Variants in SLTM observed in about 807,000 individuals in gnomAD.
SLTM encodes SAFB-like transcription modulator.
In SLTM, 43 loss-of-function variants were observed where a neutral mutation model predicts 134.6. The observed-to-expected ratio is 0.32, with a 90% CI of 0.25 to 0.41. The LOEUF (loss-of-function observed/expected upper bound fraction) is 0.41, where lower values mean the gene tolerates loss of function less well. Among genes scored for constraint, SLTM ranks in the 10% least tolerant of loss-of-function variants. The probability of loss-of-function intolerance (pLI) is 1.00; values close to 1 mark genes in which losing one functional copy is unlikely to be tolerated. For missense variants in SLTM, 1,055 were observed against 1,288.8 expected (o/e 0.82, Z 2.78); for synonymous variants, 424 against 432.3 (o/e 0.98, Z 0.24).
At chr15:58,911,263 G>A (rs189115394) in intron 5 of SLTM, among the ~76,000 whole-genome samples, 1 of 152,278 alleles carries the variant, frequency 6.6e-6, no homozygotes, top group African/African-American at 2.4e-5. Context: ...AAAGGCAAGA[G>A]TGTTGCAGAA....
At chr15:58,923,991 T>A (rs1438531771) in intron 2 of SLTM, among the ~76,000 whole-genome samples, 1 of 151,968 alleles carries the variant, frequency 6.6e-6, no homozygotes, top group Non-Finnish European at 1.5e-5. Flanking sequence ...ATTTTTGTAT[T>A]TTTAATAGAG....
chr15:58,909,381 G>A lies in SLTM; in HGVS notation c.561+3182C>T, dbSNP rs561989388. Among the ~76,000 whole-genome samples the A allele has an allele frequency of 3.9e-5, 6 of 152,326 alleles. No homozygotes were observed. In the East Asian group the frequency reaches 1.2e-3, roughly 29 times the overall value. The stretch of plus-strand genomic sequence containing the variant: ...TAAGAACTAACTGGCCACTGTCAGA[G>A]ATGCCAGTGAAGCAGCTCAATATTC... On this transcript the variant is annotated intron_variant, in intron 5 of 20. Coordinates refer to ENST00000380516, the MANE Select transcript of SLTM (RefSeq NM_024755.4).
chr15:58,889,081 T>C (rs546253320), intron 16 of SLTM: 79 of 223,040 alleles, frequency 3.5e-4, no homozygotes, highest in African/African-American at 1.6e-3. Context: ...AAACACACAA[T>C]AGAATCTATC....
chr15:58,912,765 T>C (rs1294805973), intron 4 of SLTM, 155 bp from the exon 5 acceptor site: 4 of 582,698 alleles, frequency 6.9e-6, no homozygotes, highest in Non-Finnish European at 1.2e-5. Context: ...TCAGACTATA[T>C]TTTTTATGCC....
intron 19 of SLTM, among the ~76,000 whole-genome samples, chr15:58,885,269 A>G (rs2034087302): frequency 6.6e-6 from 1 of 152,228 alleles, no homozygotes; most frequent in Non-Finnish European, 1.5e-5. Flanking sequence ...TGTGATACTT[A>G]GCTTACAGGA....
At chr15:58,891,376 C>T (rs2034631822) in intron 14 of SLTM, among the ~76,000 whole-genome samples, 1 of 152,128 alleles carries the variant, frequency 6.6e-6, no homozygotes, top group Admixed American at 6.5e-5. Context: ...AACCAAACAC[C>T]TTAAGCAAAA....
chr15:58,885,575 G>C (rs372493940), intron 19 of SLTM, among the ~76,000 whole-genome samples: 1 of 152,038 alleles, frequency 6.6e-6, no homozygotes. Context: ...TGGATGGTCG[G>C]AAGTTTGAAA....
At chr15:58,884,825 G>A (rs1437834565) in intron 19 of SLTM, among the ~76,000 whole-genome samples, 1 of 151,822 alleles carries the variant, frequency 6.6e-6, no homozygotes, top group Admixed American at 6.6e-5. Context: ...ATGGAGATGG[G>A]GGTCTCACTA....
At position 58,899,488 on chromosome 15, in the gene SLTM, C is replaced by A. The variant is rs755264416; in HGVS notation, c.1039G>T (p.Ala347Ser). Residue 347 changes from alanine to serine, a missense_variant, in exon 7 of 21, where the codon GCC (alanine) becomes TCC (serine). Transcript: ENST00000380516. The surrounding 1 kb of genome is among the most constrained non-coding windows in gnomAD (Gnocchi z 5.0). The part of the protein sequence containing the change: ...TLKKGPSSTG[A>S]SGQAKSSSKE... ...ACAAACCTCTTTGCTTGACCAGAGG[C>A]CCCAGTAGACGAGGGCCCTTTCTTC... 2 of 1,613,962 alleles carry A rather than the reference C, an allele frequency of 1.2e-6. No individual in the cohort carries two copies. Among genetic ancestry groups the A allele is most frequent in the Non-Finnish European group, 1.7e-6 (2 of 1,179,900 alleles).
chr15:58,896,108 TATTA>T (rs1207064209), intron 9 of SLTM, among the ~76,000 whole-genome samples: 6 of 152,312 alleles, frequency 3.9e-5, no homozygotes, highest in African/African-American at 1.4e-4. Context: ...AAGCATTTGT[TATTA>T]ATTGAGTATT....
chr15:58,914,245 C>T (rs2036478803), intron 3 of SLTM, among the ~76,000 whole-genome samples: 1 of 152,184 alleles, frequency 6.6e-6, no homozygotes, highest in Admixed American at 6.5e-5. Flanking sequence ...GTTTGTCCTT[C>T]AAAGTTTATG....
chr15:58,883,480 G>A, intron 20 of SLTM, 146 bp downstream of exon 20: 1 of 998,206 alleles, frequency 1.0e-6, no homozygotes. Context: ...CACTCTTTTG[G>A]AGACTACGGG....
In SLTM at chr15:58,899,999, T is replaced by C; in HGVS notation, c.590-62A>G. The C allele has an allele frequency of 7.8e-7, 1 of 1,286,770 alleles. No homozygotes were observed. 79.7% of individuals were successfully genotyped at this position (1,286,770 alleles called of 1,614,324 possible). Reference sequence around the variant, plus strand: ...AGAAGTTTAAACAATTTCATATTCATAAGCTAGAATAGGACCTAGAAAATA... The same window carrying C: ...AGAAGTTTAAACAATTTCATATTCACAAGCTAGAATAGGACCTAGAAAATA... On this transcript the variant is annotated intron_variant, in intron 6 of 20. Transcript: ENST00000380516. The surrounding 1 kb of genome is among the most constrained non-coding windows in gnomAD (Gnocchi z 5.0).
Position 58,888,371 on chromosome 15 carries a change from T to G in SLTM, c.2375+14A>C, listed in dbSNP as rs1255158729. Reference sequence around the variant, plus strand: ...GGCTCATAAAATAAATATAACAATTTTCAACATATCTACCTTTCAAAAGAT... The same window carrying G: ...GGCTCATAAAATAAATATAACAATTGTCAACATATCTACCTTTCAAAAGAT... On this transcript the variant is annotated intron_variant, in intron 17 of 20. Coordinates refer to ENST00000380516, the MANE Select transcript of SLTM (RefSeq NM_024755.4). 1 of 1,569,310 alleles carries G rather than the reference T, an allele frequency of 6.4e-7. No homozygotes were observed. The highest frequency in any genetic ancestry group is 1.7e-4 in the Middle Eastern group (1 of 5,798).
chr15:58,933,380 T>C, intron 1 of SLTM, 24 bp downstream of exon 1: 1 of 1,569,512 alleles, frequency 6.4e-7, no homozygotes, highest in Non-Finnish European at 8.6e-7. Context: ...TTCCCGGTCC[T>C]TTCCGGTCCT....
rs761019021 is a variant in SLTM at position 58,933,573 on chromosome 15, G to A, written c.-8C>T. 20 of 1,575,742 alleles carry A rather than the reference G, an allele frequency of 1.3e-5. No homozygotes were observed. The highest frequency in any genetic ancestry group is 3.6e-5 in the Admixed American group (2 of 55,518). ...ACCGGTAGCGGCAGCCATCTTAGAA[G>A]AGCAGCGCGCTGCCGAGGCAGCGAG... On this transcript the variant is annotated 5_prime_UTR_variant, in exon 1 of 21. Coordinates refer to ENST00000380516, the MANE Select transcript of SLTM (RefSeq NM_024755.4).
At chr15:58,917,127 T>A in intron 2 of SLTM, 128 bp from the exon 3 acceptor site, 1 of 814,016 alleles carries the variant, frequency 1.2e-6, no homozygotes, top group Admixed American at 2.3e-5. Context: ...GTCAACTGCT[T>A]CTAAACCACC....
Position 58,893,363 on chromosome 15 carries a change from A to T in SLTM, c.1650T>A (p.Ser550Arg). The T allele has an allele frequency of 6.3e-7, 1 of 1,587,992 alleles. No homozygotes were observed. The highest frequency in any genetic ancestry group is 8.5e-7 in the Non-Finnish European group (1 of 1,170,802). ...TTACCATATGTCCTGGACTCTTGGAACCTAAGGGAAAAAAATTATATAAAA... is the reference window on the plus strand; with the variant it reads ...TTACCATATGTCCTGGACTCTTGGATCCTAAGGGAAAAAAATTATATAAAA... ...IKKSEEKKRISSKSPGHMVIL... is the reference protein window; with the variant it reads ...IKKSEEKKRIRSKSPGHMVIL... Residue 550 changes from serine (S) to arginine (R), a missense_variant and splice_region_variant, in exon 13 of 21, where the codon AGT (serine) becomes AGA (arginine). By Grantham distance (110) the Ser-to-Arg change is moderately radical. Coordinates refer to ENST00000380516, the MANE Select transcript of SLTM (RefSeq NM_024755.4).
In SLTM at chr15:58,883,693, T is replaced by C; in HGVS notation, c.2929A>G (p.Ser977Gly). 6.2e-7 allele frequency: 1 copy of C among 1,614,144 alleles called. No individual in the cohort carries two copies. The highest frequency in any genetic ancestry group is 8.5e-7 in the Non-Finnish European group (1 of 1,180,022). The change falls in exon 20 of 21, where the codon AGC becomes GGC. Residue 977 changes from serine (S) to glycine (G), a missense_variant. Ser to Gly is a moderately conservative substitution (Grantham distance 56). This residue lies in a region of SLTM where 776 missense variants were observed against 962.2 expected (regional missense o/e 0.81). Coordinates refer to ENST00000380516, the MANE Select transcript of SLTM (RefSeq NM_024755.4). Reference sequence around the variant, plus strand: ...CCCATTCGCCTCGTATCATGATAGCTAGGCCCTTGAGAGGGTGGACCATGC... The same window carrying C: ...CCCATTCGCCTCGTATCATGATAGCCAGGCCCTTGAGAGGGTGGACCATGC... ...EWHGPPSQGP[S>G]YHDTRRMGDG...
Sources: gnomAD v4.1 joint callset for allele counts (sites outside exome capture counted in the v4.1 genomes callset) on GRCh38, gnomAD v4.1.1 for gene constraint, gnomAD v4.1.1 regional missense constraint, Gnocchi (gnomAD v3.1) non-coding constraint, MANE v1.5 for transcripts, NCBI Gene and HGNC (gene_info 2026-07-23, HGNC 2026-07-21) for gene names.